Variants in ZNF668 observed in about 807,000 individuals in gnomAD.
ZNF668 encodes zinc finger protein 668.
ZNF668 carries 10 observed loss-of-function variants against 40.3 expected under a neutral mutation model. That is an observed-to-expected ratio of 0.25 (90% CI 0.15 to 0.42). ZNF668 has a LOEUF of 0.42. ZNF668 is among the 10% of genes least tolerant of loss of function. The pLI is 1.00. For missense variants in ZNF668, 749 were observed against 904.6 expected (o/e 0.83, Z 2.21); for synonymous variants, 428 against 384.6 (o/e 1.11, Z -1.32).
rs1567399577 is a variant in ZNF668, at chr16:31,064,022, C to A, written c.438G>T (p.Pro146=). ...GELPFRCAHC[P]KAYGALSKLK... The stretch of plus-strand genomic sequence containing the variant: ...GCTTGGAGAGCGCGCCATAGGCCTT[C>A]GGGCAGTGCGCACAGCGGAAGGGCA... The change falls in exon 2 of 3, where the codon CCG becomes CCT. Residue 146 remains proline, a synonymous_variant. Transcript: ENST00000300849. 1.9e-6 allele frequency: 3 copies of A among 1,606,146 alleles called. No homozygotes were observed. The highest frequency in any genetic ancestry group is 2.6e-6 in the Non-Finnish European group (3 of 1,174,746).
chr16:31,063,736 C>T (rs1045011515), intron 2 of ZNF668, 77 bp downstream of exon 2: 2 of 1,415,030 alleles, frequency 1.4e-6, no homozygotes, highest in African/African-American at 1.4e-5. Flanking sequence ...CCCTGAGACT[C>T]AAACCCAGGC....
intron 1 of ZNF668, among the ~76,000 whole-genome samples, chr16:31,072,240 T>C (rs2057019985): frequency 6.6e-6 from 1 of 152,180 alleles, no homozygotes; most frequent in Admixed American, 6.5e-5. Flanking sequence ...ATCTGCCTCC[T>C]CTACACCCAG....
In ZNF668 at chr16:31,060,894, G is replaced by C. The variant is rs373184185; in HGVS notation, c.*174C>G. 1 of 706,884 alleles carries C rather than the reference G, an allele frequency of 1.4e-6. No individual in the cohort carries two copies. The highest frequency in any genetic ancestry group is 2.1e-6 in the Non-Finnish European group (1 of 480,332). The allele number at this position is 706,884 out of a possible 1,614,324, so 43.8% of individuals were successfully genotyped here. A position where few individuals can be genotyped will look rare whatever the true frequency, so the allele number is the denominator to read the frequency against. ...ATGAGTGTTACTCCTAGACAGTCAC[G>C]TCTCAGCTTCTGCCAGCCTCCACTG... is the stretch of plus-strand genomic sequence containing the variant. On this transcript the variant is annotated 3_prime_UTR_variant, in exon 3 of 3. Coordinates refer to ENST00000300849, the MANE Select transcript of ZNF668 (RefSeq NM_024706.5).
intron 1 of ZNF668, among the ~76,000 whole-genome samples, chr16:31,068,645 C>T (rs1006974756): frequency 2.7e-5 from 4 of 149,498 alleles, no homozygotes; most frequent in South Asian, 4.3e-4. Context: ...CTCACTCTGT[C>T]GCTCAGGCTG....
In ZNF668 at chr16:31,061,019, C is replaced by T. The variant is rs758710681; in HGVS notation, c.*49G>A. 1.4e-6 allele frequency: 2 copies of T among 1,426,970 alleles called. No homozygotes were observed. Among genetic ancestry groups the T allele is most frequent in the Admixed American group, 2.7e-5 (1 of 36,992 alleles). The allele number at this position is 1,426,970 out of a possible 1,614,324, so 88.4% of individuals were successfully genotyped here. A position where few individuals can be genotyped will look rare whatever the true frequency, so the allele number is the denominator to read the frequency against. On this transcript the variant is annotated 3_prime_UTR_variant, in exon 3 of 3. Coordinates refer to ENST00000300849, the MANE Select transcript of ZNF668 (RefSeq NM_024706.5). The surrounding 1 kb of genome is among the most constrained non-coding windows in gnomAD (Gnocchi z 7.7). ...CAGGCAAAAGGAGGTACAGGAAGCC[C>T]CCGATGGGGGCTGGGCTCCCGGAGT...
intron 2 of ZNF668, among the ~76,000 whole-genome samples, chr16:31,063,039 A>G (rs934928959): frequency 6.6e-6 from 1 of 151,490 alleles, no homozygotes; most frequent in African/African-American, 2.4e-5. Context: ...GGTTGCGGTG[A>G]GCCGAGATCG....
In ZNF668 at chr16:31,065,863, A is replaced by T. The variant is rs181753439; in HGVS notation, c.-22-1382T>A. 3.0e-3 allele frequency among the ~76,000 whole-genome samples: 454 copies of T among 151,980 alleles called. 1 individual carries two copies. Among genetic ancestry groups the T allele is most frequent in the Non-Finnish European group, 5.3e-3 (359 of 67,940 alleles). On this transcript the variant is annotated intron_variant, in intron 1 of 2. Transcript: ENST00000300849. ...AGCAAGACTCCGTCTCAAAAAAAAA[A>T]AAATAAAAAGACTATTTCCTCATCT...
At chr16:31,071,457 G>A (rs903679780) in intron 1 of ZNF668, among the ~76,000 whole-genome samples, 1 of 151,994 alleles carries the variant, frequency 6.6e-6, no homozygotes, top group Non-Finnish European at 1.5e-5. Context: ...GTGAGCCACC[G>A]TGCCTGGCCT....
At chr16:31,071,005 G>A (rs1267129938) in intron 1 of ZNF668, among the ~76,000 whole-genome samples, 2 of 151,640 alleles carry the variant, frequency 1.3e-5, no homozygotes, top group African/African-American at 4.9e-5. Context: ...GGGATTACAG[G>A]TGCCTGCCAC....
chr16:31,062,232 G>T lies in ZNF668; in HGVS notation c.696C>A (p.Ser232Arg). ...ACGTGAGCGAGGATGAGCGGGAGAAGCTCTTCCCGCACTCGGAGCAGAGGA... is the reference window on the plus strand; with the variant it reads ...ACGTGAGCGAGGATGAGCGGGAGAATCTCTTCCCGCACTCGGAGCAGAGGA... The part of the protein sequence containing the change: ...RPFLCSECGK[S>R]FSRSSSLTCH... Residue 232 changes from serine (S) to arginine (R), a missense_variant, in exon 3 of 3, where the codon AGC (serine) becomes AGA (arginine). Coordinates refer to ENST00000300849, the MANE Select transcript of ZNF668 (RefSeq NM_024706.5). 1 of 1,612,294 alleles carries T rather than the reference G, an allele frequency of 6.2e-7. No homozygotes were observed. The highest frequency in any genetic ancestry group is 1.1e-5 in the South Asian group (1 of 90,954).
In ZNF668 at chr16:31,074,030, A is replaced by G. The variant is rs1353059657; in HGVS notation, c.-394T>C. Reference sequence around the variant, plus strand: ...CCATGCTCAAGCTCTGCAAAACCTAAGTCCAATTATATTCCACAACATTTC... The same window carrying G: ...CCATGCTCAAGCTCTGCAAAACCTAGGTCCAATTATATTCCACAACATTTC... On this transcript the variant is annotated 5_prime_UTR_variant, in exon 1 of 3. Coordinates refer to ENST00000300849, the MANE Select transcript of ZNF668 (RefSeq NM_024706.5). 1 of 152,218 alleles carries G rather than the reference A, an allele frequency of 6.6e-6. No homozygotes were observed. The highest frequency in any genetic ancestry group is 1.5e-5 in the Non-Finnish European group (1 of 68,056). 9.4% of individuals were successfully genotyped at this position (152,218 alleles called of 1,614,324 possible). A position where few individuals can be genotyped will look rare whatever the true frequency, so the allele number is the denominator to read the frequency against.
At chr16:31,072,011 G>A (rs1284207654) in intron 1 of ZNF668, among the ~76,000 whole-genome samples, 1 of 152,176 alleles carries the variant, frequency 6.6e-6, no homozygotes, top group East Asian at 1.9e-4. Context: ...ACGTCATAAG[G>A]GTATGGCCCT....
chr16:31,070,026 G>A (rs2057004679), intron 1 of ZNF668, among the ~76,000 whole-genome samples: 1 of 152,038 alleles, frequency 6.6e-6, no homozygotes, highest in African/African-American at 2.4e-5. Flanking sequence ...CACCTGCCTC[G>A]GCCTCCCAGA....
In ZNF668 at chr16:31,073,946, G is replaced by A. The variant is rs1369875818; in HGVS notation, c.-310C>T. ...GACGGTATACGCCCGCCTTGTGTTA[G>A]TCTGGGGCCAGGTCACCGGCAATGT... On this transcript the variant is annotated 5_prime_UTR_variant, in exon 1 of 3. Coordinates refer to ENST00000300849, the MANE Select transcript of ZNF668 (RefSeq NM_024706.5). 6.6e-6 allele frequency: 1 copy of A among 152,310 alleles called. No homozygotes were observed. Among genetic ancestry groups the A allele is most frequent in the Non-Finnish European group, 1.5e-5 (1 of 68,094 alleles). The allele number at this position is 152,310 out of a possible 1,614,324, so 9.4% of individuals were successfully genotyped here. A position where few individuals can be genotyped will look rare whatever the true frequency, so the allele number is the denominator to read the frequency against.
chr16:31,066,449 T>A, intron 1 of ZNF668: 1 of 881,170 alleles, frequency 1.1e-6, no homozygotes, highest in Non-Finnish European at 1.4e-6. Context: ...CCCAGCTACG[T>A]GGGAGGCTGA....
At chr16:31,070,535 T>G (rs899554252) in intron 1 of ZNF668, among the ~76,000 whole-genome samples, 4 of 151,508 alleles carry the variant, frequency 2.6e-5, no homozygotes. Flanking sequence ...AATGTTTTTA[T>G]TTTTATTTAT....
At chr16:31,063,410 C>T (rs1222360700) in intron 2 of ZNF668, among the ~76,000 whole-genome samples, 1 of 151,790 alleles carries the variant, frequency 6.6e-6, no homozygotes, top group African/African-American at 2.4e-5. Flanking sequence ...GAATTATAGG[C>T]GTGAGCTATT....
chr16:31,067,755 C>A (rs773054363), intron 1 of ZNF668, among the ~76,000 whole-genome samples: 14 of 152,132 alleles, frequency 9.2e-5, no homozygotes, highest in Non-Finnish European at 1.5e-4. Flanking sequence ...AAGTGACTTG[C>A]CCATGGTCCC....
At chr16:31,071,260 G>A (rs777729219) in intron 1 of ZNF668, among the ~76,000 whole-genome samples, 4 of 152,126 alleles carry the variant, frequency 2.6e-5, no homozygotes, top group Admixed American at 6.6e-5. Flanking sequence ...TCCACCTCCC[G>A]GATTCAAGTG....
Sources: allele counts gnomAD v4.1 joint callset (sites outside exome capture counted in the v4.1 genomes callset), GRCh38; gene constraint gnomAD v4.1.1; non-coding constraint Gnocchi (gnomAD v3.1); transcripts MANE v1.5; gene names NCBI Gene and HGNC (gene_info 2026-07-23, HGNC 2026-07-21).